CLPTM1L: variants seen among roughly 807,000 people sequenced by gnomAD.
The protein encoded by CLPTM1L is lipid scramblase CLPTM1L.
CLPTM1L carries 38 observed loss-of-function variants against 70.9 expected under a neutral mutation model. The ratio of observed to expected loss-of-function variants is 0.54; its 90% CI spans 0.41 to 0.70. The LOEUF is 0.70. CLPTM1L is among the 30% of genes least tolerant of loss of function. CLPTM1L has a pLI of 0.00. For missense variants in CLPTM1L, 652 were observed against 705.9 expected (o/e 0.92, Z 0.87); for synonymous variants, 339 against 299.9 (o/e 1.13, Z -1.35).
intron 15 of CLPTM1L, among the ~76,000 whole-genome samples, chr5:1,321,140 A>G (rs1399506678): frequency 1.3e-5 from 2 of 152,148 alleles, no homozygotes; most frequent in Non-Finnish European, 2.9e-5. Flanking sequence ...TTCCTCTGGG[A>G]GCTTGTAATT....
At chr5:1,330,455 T>C in intron 8 of CLPTM1L, 72 bp from the exon 9 acceptor site, 1 of 1,256,850 alleles carries the variant, frequency 8.0e-7, no homozygotes, top group Admixed American at 1.7e-5. Flanking sequence ...GTCACACACA[T>C]ACCCCCAGTC....
chr5:1,335,977 A>G (rs1055297321), intron 5 of CLPTM1L, among the ~76,000 whole-genome samples: 2 of 152,132 alleles, frequency 1.3e-5, no homozygotes, highest in Non-Finnish European at 2.9e-5. Context: ...TGGAACATCC[A>G]GCGAGGGCTG....
intron 7 of CLPTM1L, among the ~76,000 whole-genome samples, chr5:1,333,013 T>A (rs1366459406): frequency 7.6e-6 from 1 of 131,244 alleles, no homozygotes; most frequent in Admixed American, 7.9e-5. Context: ...GGGGGAATAC[T>A]GTAGACACAC....
At chr5:1,337,185 C>T (rs1016871220) in intron 5 of CLPTM1L, among the ~76,000 whole-genome samples, 52 of 152,198 alleles carry the variant, frequency 3.4e-4, no homozygotes, top group African/African-American at 1.1e-3. Context: ...CGTGAAACAA[C>T]GCCACAGCTC....
chr5:1,344,699 G>A lies in CLPTM1L; in HGVS notation c.143C>T (p.Ala48Val), dbSNP rs748288848. The change falls in exon 1 of 17, where the codon GCG becomes GTG. Residue 48 changes from alanine to valine, a missense_variant. This residue lies in a region of CLPTM1L where 402 missense variants were observed against 388.2 expected (regional missense o/e 1.04). Transcript: ENST00000320895. ...GCTCACCTGCAGCTTGGGCCGCCGC[G>A]CCAGGTAGGGCTGGATGCAGTTGGC... ...GDANCIQPYL[A>V]RRPKLQLSVY... 3.2e-6 allele frequency: 5 copies of A among 1,571,904 alleles called. No individual in the cohort carries two copies. The highest frequency in any genetic ancestry group is 2.3e-5 in the South Asian group (2 of 85,630).
At chr5:1,344,071 G>A (rs970517737) in intron 2 of CLPTM1L, among the ~76,000 whole-genome samples, 3 of 152,208 alleles carry the variant, frequency 2.0e-5, no homozygotes, top group African/African-American at 7.2e-5. Context: ...TTCACCAAGC[G>A]TGGCCCCTGC....
intron 6 of CLPTM1L, 111 bp downstream of exon 6, chr5:1,334,946 G>C: frequency 1.4e-6 from 1 of 712,338 alleles, no homozygotes. Flanking sequence ...GTCTGTGCAA[G>C]GATCTGCAGC....
chr5:1,344,313 G>T, intron 2 of CLPTM1L, 38 bp downstream of exon 2: 2 of 1,345,788 alleles, frequency 1.5e-6, no homozygotes, highest in Non-Finnish European at 2.1e-6. Context: ...CATGAGTAAT[G>T]TTTTCCCTTT....
At position 1,325,787 on chromosome 5, in the gene CLPTM1L, C is replaced by A. The variant is rs1201628336; in HGVS notation, c.1110G>T (p.Met370Ile). ...ELWKVKKALK[M>I]TIFWRGLMPE... Reference sequence around the variant, plus strand: ...GCATCAGGCCTCTCCAAAAAATAGTCATCTTCAATGCCTTCTTCACTTTCC... The same window carrying A: ...GCATCAGGCCTCTCCAAAAAATAGTAATCTTCAATGCCTTCTTCACTTTCC... Residue 370 changes from methionine to isoleucine, a missense_variant, in exon 10 of 17, where the codon ATG (methionine) becomes ATT (isoleucine). By Grantham distance (10) the Met-to-Ile change is conservative (BLOSUM62 1). Around this residue, in one of 3 missense-constraint regions of CLPTM1L, gnomAD observed 240 missense variants for 295.0 expected, o/e 0.81. Transcript: ENST00000320895. 1.2e-6 allele frequency: 2 copies of A among 1,614,030 alleles called. No individual in the cohort carries two copies. Among genetic ancestry groups the A allele is most frequent in the Non-Finnish European group, 1.7e-6 (2 of 1,179,938 alleles).
chr5:1,340,311 G>C (rs1213142429), intron 3 of CLPTM1L, among the ~76,000 whole-genome samples: 1 of 152,150 alleles, frequency 6.6e-6, no homozygotes, highest in Non-Finnish European at 1.5e-5. Flanking sequence ...AAGCATGTGG[G>C]GCTGCCTAAA....
chr5:1,338,201 G>C lies in CLPTM1L; in HGVS notation c.600-219C>G, dbSNP rs1276519274. The C allele has an allele frequency of 6.1e-5, 36 of 591,392 alleles. No individual in the cohort carries two copies. The Admixed American group carries it at 1.0e-3, about 17-fold the overall frequency. The allele number at this position is 591,392 out of a possible 1,614,324, so 36.6% of individuals were successfully genotyped here. A position where few individuals can be genotyped will look rare whatever the true frequency, so the allele number is the denominator to read the frequency against. On this transcript the variant is annotated intron_variant, in intron 4 of 16. Transcript: ENST00000320895. ...GAGACCCGCTCCCCAGGAAGTGATG[G>C]CCACAGGTGGGAAAATGCCTCCACG... is the stretch of plus-strand genomic sequence containing the variant.
At chr5:1,338,298 G>A (rs1050813147) in intron 4 of CLPTM1L, 22 of 416,382 alleles carry the variant, frequency 5.3e-5, no homozygotes, top group African/African-American at 3.6e-4. Flanking sequence ...GCACTGACAC[G>A]GAGCAATCCC....
chr5:1,330,112 G>C (rs1377479781), intron 9 of CLPTM1L, among the ~76,000 whole-genome samples, 168 bp downstream of exon 9: 1 of 152,134 alleles, frequency 6.6e-6, no homozygotes, highest in African/African-American at 2.4e-5. Flanking sequence ...CTTGTTCAAA[G>C]CCTTTACACC....
intron 6 of CLPTM1L, among the ~76,000 whole-genome samples, chr5:1,334,801 C>T (rs1409649164): frequency 2.0e-5 from 3 of 152,044 alleles, no homozygotes; most frequent in South Asian, 2.1e-4. Context: ...TAAATCTCAT[C>T]AACAGTTAAG....
rs1217773263 is a variant in CLPTM1L, at chr5:1,337,982, C to T, written c.600G>A (p.Met200Ile). ...LPADVHRYMKMIQLGKTVHYL... is the reference protein window; with the variant it reads ...LPADVHRYMKIIQLGKTVHYL... Reference sequence around the variant, plus strand: ...AATGCACGGTTTTCCCCAGCTGGATCCTGGGATTAAAGCACAACTTTCCAA... The same window carrying T: ...AATGCACGGTTTTCCCCAGCTGGATTCTGGGATTAAAGCACAACTTTCCAA... The change falls in exon 5 of 17, where the codon ATG (methionine) becomes ATA (isoleucine). Residue 200 changes from methionine to isoleucine, a missense_variant and splice_region_variant. By Grantham distance (10) the Met-to-Ile change is conservative (BLOSUM62 1). This residue lies in a region of CLPTM1L where 402 missense variants were observed against 388.2 expected (regional missense o/e 1.04). Coordinates refer to ENST00000320895, the MANE Select transcript of CLPTM1L (RefSeq NM_030782.5). 2 of 1,604,020 alleles carry T rather than the reference C, an allele frequency of 1.2e-6. No homozygotes were observed. Among genetic ancestry groups the T allele is most frequent in the Non-Finnish European group, 1.7e-6 (2 of 1,176,442 alleles).
chr5:1,337,184 A>C (rs1753626622), intron 5 of CLPTM1L, among the ~76,000 whole-genome samples: 2 of 152,218 alleles, frequency 1.3e-5, no homozygotes, highest in African/African-American at 4.8e-5. Flanking sequence ...CCGTGAAACA[A>C]CGCCACAGCT....
chr5:1,325,638 T>G, intron 10 of CLPTM1L, 113 bp downstream of exon 10: 4 of 840,588 alleles, frequency 4.8e-6, no homozygotes, highest in Non-Finnish European at 7.9e-6. Flanking sequence ...GAGGCTCCCC[T>G]GACAGAGGCC....
Position 1,320,678 on chromosome 5 carries a change from CGTG to C in CLPTM1L, c.1467_1469del (p.Thr490del). 9 of 1,548,498 alleles carry C rather than the reference CGTG, an allele frequency of 5.8e-6. No individual in the cohort carries two copies. The highest frequency in any genetic ancestry group is 7.9e-6 in the Non-Finnish European group (9 of 1,145,516). Reference sequence around the variant, plus strand: ...CCCGGAAGCAGGCCAGCCGGTGAGACGTGGGCATGGTGATGATGAAGGCAAAGA... The same window carrying C: ...CCCGGAAGCAGGCCAGCCGGTGAGACGGCATGGTGATGATGAAGGCAAAGA... On this transcript the variant is annotated inframe_deletion, in exon 16 of 17. Transcript: ENST00000320895.
intron 12 of CLPTM1L, 50 bp from the exon 13 acceptor site, chr5:1,322,961 C>G (rs889786197): frequency 1.0e-5 from 15 of 1,506,976 alleles, no homozygotes; most frequent in Non-Finnish European, 1.4e-5. Flanking sequence ...AGCTTAATAT[C>G]TGTATTAAAT....
Sources: gnomAD v4.1 joint callset for allele counts (sites outside exome capture counted in the v4.1 genomes callset) on GRCh38, gnomAD v4.1.1 for gene constraint, gnomAD v4.1.1 regional missense constraint, MANE v1.5 for transcripts, NCBI Gene and HGNC (gene_info 2026-07-23, HGNC 2026-07-21) for gene names.